Variants in KCNAB1 observed in about 807,000 individuals in gnomAD.
KCNAB1 encodes the protein voltage-gated potassium channel subunit beta-1.
Under a neutral mutation model 64.6 loss-of-function variants are expected in KCNAB1, and 35 were observed. The ratio of observed to expected loss-of-function variants is 0.54; its 90% CI spans 0.41 to 0.72. The LOEUF (loss-of-function observed/expected upper bound fraction) is 0.72. Ranked by LOEUF, KCNAB1 falls within the 30% of genes least tolerant of loss-of-function variation. The probability of loss-of-function intolerance (pLI) is 0.00; values close to 1 mark genes in which losing one functional copy is unlikely to be tolerated. For missense variants in KCNAB1, 401 were observed against 512.9 expected (o/e 0.78, Z 2.11); for synonymous variants, 177 against 183.8 (o/e 0.96, Z 0.30).
At position 156,398,723 on chromosome 3, in the gene KCNAB1, TTATATA is replaced by T. The variant is rs367564252; in HGVS notation, c.276-22881_276-22876del. Among the ~76,000 whole-genome samples, 319 of 149,232 alleles carry T rather than the reference TTATATA, an allele frequency of 2.1e-3. 2 individuals carry two copies. The highest frequency in any genetic ancestry group is 6.7e-3 in the African/African-American group (275 of 40,852). On this transcript the variant is annotated intron_variant, in intron 1 of 13. Transcript: ENST00000490337. ...AGCACATGTATCCCAGAACTTAAAG[TTATATA>T]TATATATATATTTACTAATTAAAAA...
intron 1 of KCNAB1, among the ~76,000 whole-genome samples, chr3:156,226,481 C>T (rs1385602757): frequency 6.6e-6 from 1 of 151,972 alleles, no homozygotes; most frequent in Admixed American, 6.5e-5. Flanking sequence ...ATCAAAAAAC[C>T]CTTCTAGACA....
intron 12 of KCNAB1, 151 bp downstream of exon 12, chr3:156,524,098 T>TATTTGAGGTTCCCCAGA (rs1323713659): frequency 1.3e-6 from 1 of 784,668 alleles, no homozygotes; most frequent in Non-Finnish European, 1.9e-6. Context: ...TAAAGTGAGT[T>TATTTGAGGTTCCCCAGA]ATTTGAGGTT....
At chr3:156,480,395 G>A (rs1317847265) in intron 8 of KCNAB1, among the ~76,000 whole-genome samples, 1 of 152,052 alleles carries the variant, frequency 6.6e-6, no homozygotes, top group African/African-American at 2.4e-5. Flanking sequence ...GGGGGCAAGG[G>A]GAGAGAGAGC....
At chr3:156,144,960 A>G (rs1256371721) in intron 1 of KCNAB1, among the ~76,000 whole-genome samples, 2 of 152,248 alleles carry the variant, frequency 1.3e-5, no homozygotes, top group Non-Finnish European at 2.9e-5. Flanking sequence ...TTCTTCAGAC[A>G]GGTGAAAGCA....
chr3:156,387,439 A>G (rs1022779001), intron 1 of KCNAB1, among the ~76,000 whole-genome samples: 15 of 152,220 alleles, frequency 9.9e-5, no homozygotes, highest in African/African-American at 3.4e-4. Context: ...AAAAATGCAC[A>G]GTCCTATCTT....
chr3:156,357,172 CA>C (rs1725308443), intron 1 of KCNAB1, among the ~76,000 whole-genome samples: 6 of 152,122 alleles, frequency 3.9e-5, no homozygotes, highest in African/African-American at 1.4e-4. Flanking sequence ...CACACACACA[CA>C]CACACACACA....
chr3:156,294,202 G>T (rs550469098), intron 1 of KCNAB1, among the ~76,000 whole-genome samples: 1 of 152,300 alleles, frequency 6.6e-6, no homozygotes, highest in Admixed American at 6.5e-5. Flanking sequence ...TGTGAGCAAG[G>T]TTCGCTTGGG....
intron 2 of KCNAB1, among the ~76,000 whole-genome samples, chr3:156,451,434 T>C (rs1464346604): frequency 1.3e-5 from 2 of 152,332 alleles, no homozygotes; most frequent in African/African-American, 4.8e-5. Flanking sequence ...TGTGGTGTGG[T>C]AAAAAGGATA....
At chr3:156,310,474 C>T (rs1198838076) in intron 1 of KCNAB1, among the ~76,000 whole-genome samples, 1 of 152,096 alleles carries the variant, frequency 6.6e-6, no homozygotes, top group African/African-American at 2.4e-5. Flanking sequence ...CTGGGTGGGA[C>T]AGGGTAGGTA....
chr3:156,474,821 G>GTC lies in KCNAB1; in HGVS notation c.658+2_658+3insCT. ...CCGGACAGTAACACTCCCATGGAAG[G>GTC]TAAGTTAAGAAAGCTAATAAAATAC... On this transcript the variant is annotated splice_donor_variant, in intron 8 of 13. Coordinates refer to ENST00000490337, the MANE Select transcript of KCNAB1 (RefSeq NM_172160.3). LOFTEE classifies it high-confidence loss of function. 1 of 1,609,254 alleles carries GTC rather than the reference G, an allele frequency of 6.2e-7. No individual in the cohort carries two copies. Among genetic ancestry groups the GTC allele is most frequent in the Non-Finnish European group, 8.5e-7 (1 of 1,175,862 alleles).
chr3:156,272,859 C>T (rs1719116039), intron 1 of KCNAB1, among the ~76,000 whole-genome samples: 1 of 152,050 alleles, frequency 6.6e-6, no homozygotes, highest in Non-Finnish European at 1.5e-5. Context: ...TAACCAAGCC[C>T]ATGGTGTATA....
At chr3:156,494,897 G>T (rs2108357238) in intron 8 of KCNAB1, among the ~76,000 whole-genome samples, 1 of 152,196 alleles carries the variant, frequency 6.6e-6, no homozygotes, top group East Asian at 1.9e-4. Flanking sequence ...AGGAATACAT[G>T]TGTAGGATGT....
chr3:156,164,681 A>G (rs1294123418), intron 1 of KCNAB1, among the ~76,000 whole-genome samples: 1 of 152,188 alleles, frequency 6.6e-6, no homozygotes, highest in Non-Finnish European at 1.5e-5. Flanking sequence ...ATTGAAAAAG[A>G]TGTTGTTTAG....
Position 156,193,441 on chromosome 3 carries a change from G to T in KCNAB1, c.275+72555G>T, listed in dbSNP as rs189191805. ...TGCCCAACTCTAGGCAAATGTAAGG[G>T]TTCTGAGCATGTTTAAAGTGGGTGT... On this transcript the variant is annotated intron_variant, in intron 1 of 13. Coordinates refer to ENST00000490337, the MANE Select transcript of KCNAB1 (RefSeq NM_172160.3). Among the ~76,000 whole-genome samples, 390 of 152,244 alleles carry T rather than the reference G, an allele frequency of 2.6e-3. 3 individuals carry two copies. The highest frequency in any genetic ancestry group is 8.7e-3 in the African/African-American group (360 of 41,536).
intron 1 of KCNAB1, among the ~76,000 whole-genome samples, chr3:156,271,906 C>G (rs1393066234): frequency 6.6e-6 from 1 of 152,200 alleles, no homozygotes; most frequent in Non-Finnish European, 1.5e-5. Context: ...GCAGCCATAT[C>G]TGCATTAAGG....
At chr3:156,450,279 ACATCCAAATGGTC>A (rs1711898446) in intron 2 of KCNAB1, among the ~76,000 whole-genome samples, 1 of 152,176 alleles carries the variant, frequency 6.6e-6, no homozygotes, top group South Asian at 2.1e-4. Flanking sequence ...AATGCATTCT[ACATCCAAATGGTC>A]TGAGACCTTT....
At position 156,282,061 on chromosome 3, in the gene KCNAB1, G is replaced by T. The variant is rs565373945; in HGVS notation, c.276-139555G>T. On this transcript the variant is annotated intron_variant, in intron 1 of 13. Coordinates refer to ENST00000490337, the MANE Select transcript of KCNAB1 (RefSeq NM_172160.3). ...TAGTTCTTTCAATTGTGATGTTAGG[G>T]TATCAATTTTGGATCTTTCCTGCTT... Among the ~76,000 whole-genome samples the T allele has an allele frequency of 1.3e-3, 200 of 151,042 alleles. No individual in the cohort carries two copies. In the South Asian group the frequency reaches 0.016, roughly 12 times the overall value.
At chr3:156,307,017 CT>C (rs1721534875) in intron 1 of KCNAB1, among the ~76,000 whole-genome samples, 1 of 152,186 alleles carries the variant, frequency 6.6e-6, no homozygotes, top group African/African-American at 2.4e-5. Context: ...ATTAAATTTC[CT>C]TTTGGCTCGG....
In KCNAB1 at chr3:156,315,383, C is replaced by T. The variant is rs527261504; in HGVS notation, c.276-106233C>T. ...CTAGATGATGTGGCATTAGCCAAACCGCTGAGGTTCTTTGGGAGCCCATCT... is the reference window on the plus strand; with the variant it reads ...CTAGATGATGTGGCATTAGCCAAACTGCTGAGGTTCTTTGGGAGCCCATCT... On this transcript the variant is annotated intron_variant, in intron 1 of 13. Transcript: ENST00000490337. Among the ~76,000 whole-genome samples, 24 of 152,276 alleles carry T rather than the reference C, an allele frequency of 1.6e-4. No individual in the cohort carries two copies. The South Asian group carries it at 2.5e-3, about 16-fold the overall frequency.
Sources: gnomAD v4.1 joint callset for allele counts (sites outside exome capture counted in the v4.1 genomes callset) on GRCh38, gnomAD v4.1.1 for gene constraint, MANE v1.5 for transcripts, NCBI Gene and HGNC (gene_info 2026-07-23, HGNC 2026-07-21) for gene names.